Variants in BCL2L14 observed in about 807,000 individuals in gnomAD.
BCL2L14 encodes apoptosis facilitator Bcl-2-like protein 14.
In BCL2L14, 27 loss-of-function variants were observed where a neutral mutation model predicts 35.3. That is an observed-to-expected ratio of 0.76 (90% confidence interval 0.56 to 1.05). The LOEUF (loss-of-function observed/expected upper bound fraction) is 1.05, where lower values mean the gene tolerates loss of function less well. Ranked by LOEUF, BCL2L14 falls within the 50% of genes least tolerant of loss-of-function variation. BCL2L14 has a pLI of 0.00. For synonymous variants in BCL2L14, 139 were observed against 145.9 expected, an observed-to-expected ratio of 0.95 and a Z score of 0.34; for missense variants, 377 against 382.6, an observed-to-expected ratio of 0.99 and a Z score of 0.12.
chr12:12,058,707 T>C lies in BCL2L14; in HGVS notation c.-272+6860T>C, dbSNP rs563528521. The stretch of plus-strand genomic sequence containing the variant: ...ACTCTCTTTTCGGACTCAGCCCGCC[T>C]GCACCCAGGTGAAATAAACAGCCAT... On this transcript the variant is annotated intron_variant, in intron 2 of 3. Transcript: ENST00000461264. Among the ~76,000 whole-genome samples the C allele has an allele frequency of 1.4e-4, 21 of 152,168 alleles. 1 individual carries two copies. In the South Asian group the frequency reaches 4.2e-3, roughly 30 times the overall value.
chr12:12,053,140 C>T (rs1948381984), intron 2 of BCL2L14, among the ~76,000 whole-genome samples: 1 of 152,214 alleles, frequency 6.6e-6, no homozygotes, highest in Non-Finnish European at 1.5e-5. Flanking sequence ...AAACACCTTA[C>T]ATATTTACAT....
chr12:12,075,571 A>G (rs1664550442), intron 1 of BCL2L14, among the ~76,000 whole-genome samples: 1 of 151,860 alleles, frequency 6.6e-6, no homozygotes, highest in African/African-American at 2.4e-5. Flanking sequence ...GATTGCAGGC[A>G]TGTGCCACCA....
intron 3 of BCL2L14, among the ~76,000 whole-genome samples, chr12:12,088,917 C>T (rs540605513): frequency 1.3e-5 from 2 of 152,320 alleles, no homozygotes; most frequent in African/African-American, 4.8e-5. Context: ...ATTACTATCC[C>T]ACATGGGCTT....
chr12:12,061,562 C>T (rs577334431), intron 2 of BCL2L14, among the ~76,000 whole-genome samples: 44 of 152,108 alleles, frequency 2.9e-4, no homozygotes, highest in African/African-American at 8.7e-4. Flanking sequence ...CTATCCACCC[C>T]GTGGTGCCAA....
At chr12:12,066,214 G>A (rs540892700), upstream of BCL2L14, among the ~76,000 whole-genome samples, 1 of 152,300 alleles carries the variant, frequency 6.6e-6, no homozygotes, top group South Asian at 2.1e-4. Flanking sequence ...ATAATGAATA[G>A]TGCTTCTCCT....
chr12:12,072,846 GA>G (rs1948696061), intron 1 of BCL2L14, among the ~76,000 whole-genome samples: 1 of 151,098 alleles, frequency 6.6e-6, no homozygotes, highest in Non-Finnish European at 1.5e-5. Context: ...AGGATTAGAG[GA>G]AACAAAAACT....
At chr12:12,096,148 A>C (rs868029755) in intron 5 of BCL2L14, 1 of 984,870 alleles carries the variant, frequency 1.0e-6, no homozygotes, top group Non-Finnish European at 1.2e-6. Flanking sequence ...TTTGCACCAT[A>C]ATAATATACA....
chr12:12,071,337 A>C (rs1166175526), intron 1 of BCL2L14, 200 bp downstream of exon 1: 1 of 152,196 alleles, frequency 6.6e-6, no homozygotes, highest in Non-Finnish European at 1.5e-5. Flanking sequence ...AGACGAAGAA[A>C]GGTTATTTAG....
At chr12:12,097,606 G>A (rs542524420) in intron 5 of BCL2L14, among the ~76,000 whole-genome samples, 9 of 152,116 alleles carry the variant, frequency 5.9e-5, no homozygotes, top group African/African-American at 1.7e-4. Context: ...AATCAGAGGC[G>A]ATGTTTGCAT....
At chr12:12,075,433 C>CTTTCTTTCTT (rs1412649013) in intron 1 of BCL2L14, among the ~76,000 whole-genome samples, 1 of 105,444 alleles carries the variant, frequency 9.5e-6, no homozygotes, top group Non-Finnish European at 2.1e-5. Context: ...TTCTTTCTTT[C>CTTTCTTTCTT]TTTTTTTTTT....
intron 2 of BCL2L14, among the ~76,000 whole-genome samples, chr12:12,080,201 T>C (rs766561779): frequency 1.4e-4 from 18 of 128,630 alleles, no homozygotes; most frequent in Admixed American, 7.6e-4. Context: ...TGAGACTCCG[T>C]CAAAAAAAAA....
chr12:12,082,374 G>A (rs543444515), intron 2 of BCL2L14, among the ~76,000 whole-genome samples: 89 of 152,294 alleles, frequency 5.8e-4, no homozygotes, highest in African/African-American at 1.9e-3. Context: ...TTCTTCTGCC[G>A]GGGGTGGCAT....
rs565960655 is a variant in BCL2L14, at chr12:12,099,035, G to A, written c.*47G>A. 1.5e-5 allele frequency: 22 copies of A among 1,427,324 alleles called. No individual in the cohort carries two copies. In the South Asian group the frequency reaches 1.6e-4, roughly 10 times the overall value. 88.4% of individuals were successfully genotyped at this position (1,427,324 alleles called of 1,614,324 possible). A position where few individuals can be genotyped will look rare whatever the true frequency, so the allele number is the denominator to read the frequency against. ...AATACTCTTTGTCTACTGTGGTCCT[G>A]TGCACGTTGGCCTCAGATGGACTAC... On this transcript the variant is annotated 3_prime_UTR_variant, in exon 6 of 6. Coordinates refer to ENST00000308721, the MANE Select transcript of BCL2L14 (RefSeq NM_138723.2).
chr12:12,067,380 G>A (rs552654908), upstream of BCL2L14, among the ~76,000 whole-genome samples: 79 of 152,114 alleles, frequency 5.2e-4, no homozygotes, highest in African/African-American at 1.7e-3. Context: ...GTGAAACCCC[G>A]TCTTTATTAA....
intron 2 of BCL2L14, among the ~76,000 whole-genome samples, chr12:12,086,847 G>A (rs147405601): frequency 4.1e-4 from 63 of 152,228 alleles, no homozygotes; most frequent in African/African-American, 1.5e-3. Flanking sequence ...AAAGCATGTC[G>A]AGAAAAAAGA....
intron 1 of BCL2L14, among the ~76,000 whole-genome samples, chr12:12,051,363 C>T (rs144292874): frequency 3.3e-5 from 5 of 152,296 alleles, no homozygotes; most frequent in East Asian, 1.9e-4. Flanking sequence ...AAAACATCAC[C>T]GAGGTTTCTA....
At chr12:12,060,862 G>A (rs1421385131) in intron 2 of BCL2L14, among the ~76,000 whole-genome samples, 26 of 122,538 alleles carry the variant, frequency 2.1e-4, no homozygotes, top group East Asian at 7.2e-4. Context: ...GAAGACTGAC[G>A]CTGCCCGATA....
At chr12:12,062,222 G>C (rs1235579919) in intron 2 of BCL2L14, among the ~76,000 whole-genome samples, 1 of 150,330 alleles carries the variant, frequency 6.7e-6, no homozygotes, top group East Asian at 1.9e-4. Flanking sequence ...ATTGTTCCTG[G>C]CCCGGACTTC....
chr12:12,072,382 G>GT (rs1417756146), intron 1 of BCL2L14: 12 of 152,472 alleles, frequency 7.9e-5, no homozygotes, highest in Middle Eastern at 3.4e-3. Context: ...CAGGCAGCCA[G>GT]TGTTCCCAGA....
Sources: allele counts gnomAD v4.1 joint callset (sites outside exome capture counted in the v4.1 genomes callset), GRCh38; gene constraint gnomAD v4.1.1; transcripts MANE v1.5; gene names NCBI Gene and HGNC (gene_info 2026-07-23, HGNC 2026-07-21).